The following PDZRN4 variants were observed in gnomAD, a reference collection of about 807,000 sequenced individuals.
PDZRN4 encodes the protein PDZ domain containing ring finger 4.
Under a neutral mutation model 99.0 loss-of-function variants are expected in PDZRN4, and 70 were observed. The observed-to-expected ratio is 0.71, with a 90% CI of 0.58 to 0.86. The LOEUF is 0.86. Ranked by LOEUF, PDZRN4 falls within the 40% of genes least tolerant of loss-of-function variation. The probability of loss-of-function intolerance (pLI) is 0.00; values close to 1 mark genes in which losing one functional copy is unlikely to be tolerated. For synonymous variants in PDZRN4, 551 were observed against 501.6 expected, an observed-to-expected ratio of 1.10 and a Z score of -1.32; for missense variants, 1,474 against 1,331.2, an observed-to-expected ratio of 1.11 and a Z score of -1.67.
At chr12:41,476,497 T>A (rs1953044116) in intron 3 of PDZRN4, among the ~76,000 whole-genome samples, 1 of 152,232 alleles carries the variant, frequency 6.6e-6, no homozygotes, top group Non-Finnish European at 1.5e-5. Flanking sequence ...TTTTGTTTGA[T>A]ACTGCTTCAC....
At chr12:41,328,278 G>A (rs1951722334) in intron 3 of PDZRN4, among the ~76,000 whole-genome samples, 1 of 152,176 alleles carries the variant, frequency 6.6e-6, no homozygotes, top group Non-Finnish European at 1.5e-5. Flanking sequence ...ATAAAAATGT[G>A]TCCAGAAAAA....
At chr12:41,217,680 C>T (rs1019923508) in intron 3 of PDZRN4, among the ~76,000 whole-genome samples, 11 of 152,010 alleles carry the variant, frequency 7.2e-5, no homozygotes, top group Non-Finnish European at 2.9e-5. Context: ...ATCATTTTCT[C>T]TTCTCTACCA....
intron 3 of PDZRN4, among the ~76,000 whole-genome samples, chr12:41,218,866 GTTAT>G (rs1950937198): frequency 6.6e-6 from 1 of 151,844 alleles, no homozygotes; most frequent in African/African-American, 2.4e-5. Flanking sequence ...TCCTTAAGCA[GTTAT>G]TTATTTTTAC....
chr12:41,518,281 AATCT>A (rs1207354122), intron 5 of PDZRN4, among the ~76,000 whole-genome samples: 17 of 152,240 alleles, frequency 1.1e-4, no homozygotes, highest in African/African-American at 4.1e-4. Context: ...CAGTAAATCC[AATCT>A]ATGCATTTCA....
intron 3 of PDZRN4, among the ~76,000 whole-genome samples, chr12:41,219,423 T>C (rs1950939852): frequency 6.6e-6 from 1 of 152,128 alleles, no homozygotes; most frequent in Non-Finnish European, 1.5e-5. Flanking sequence ...TATTTTATTA[T>C]TAAAAATGGA....
intron 3 of PDZRN4, among the ~76,000 whole-genome samples, chr12:41,474,071 A>G (rs1329656740): frequency 6.6e-6 from 1 of 152,238 alleles, no homozygotes; most frequent in Non-Finnish European, 1.5e-5. Context: ...TGTGAAGAGG[A>G]TAAGAAATTG....
At chr12:41,459,615 C>T (rs1264936127) in intron 3 of PDZRN4, among the ~76,000 whole-genome samples, 2 of 152,314 alleles carry the variant, frequency 1.3e-5, no homozygotes, top group South Asian at 2.1e-4. Flanking sequence ...TAAATAAATG[C>T]AATGCTTTTA....
chr12:41,329,733 A>G (rs12302590), intron 3 of PDZRN4, among the ~76,000 whole-genome samples: 2,436 of 152,242 alleles, frequency 0.016, 60 homozygotes, highest in African/African-American at 0.056. Context: ...TAGGCTTTTT[A>G]ATGAGTGTTG....
Position 41,508,429 on chromosome 12 carries a change from A to G in PDZRN4, c.1101-1382A>G, listed in dbSNP as rs79673975. 4.7e-3 allele frequency among the ~76,000 whole-genome samples: 717 copies of G among 152,266 alleles called. 10 individuals are homozygous for G. Among genetic ancestry groups the G allele is most frequent in the African/African-American group, 0.016 (684 of 41,566 alleles). On this transcript the variant is annotated intron_variant, in intron 4 of 9. Coordinates refer to ENST00000402685, the MANE Select transcript of PDZRN4 (RefSeq NM_001164595.2). ...AATTCCCACTTTGCTGCTTTCCCCA[A>G]TTAATAGGGCAGAATTGGATTTTGT...
chr12:41,354,389 G>A (rs10880059), intron 3 of PDZRN4, among the ~76,000 whole-genome samples: 59,003 of 151,622 alleles, frequency 0.39, 11,587 homozygotes, highest in African/African-American at 0.42. Context: ...GCAAGTGTCC[G>A]TTGAGAACAA....
intron 3 of PDZRN4, among the ~76,000 whole-genome samples, chr12:41,356,489 T>A (rs7136410): frequency 0.037 from 5,701 of 152,064 alleles, 361 homozygotes; most frequent in African/African-American, 0.13. Flanking sequence ...ATAGTCTACA[T>A]TGACAAGAAG....
chr12:41,245,387 T>A (rs1951127627), intron 3 of PDZRN4, among the ~76,000 whole-genome samples: 2 of 152,144 alleles, frequency 1.3e-5, no homozygotes, highest in Admixed American at 1.3e-4. Flanking sequence ...CCTTGGGGAT[T>A]CAAATGTTAA....
chr12:41,312,805 G>T (rs1403828124), intron 3 of PDZRN4, among the ~76,000 whole-genome samples: 2 of 151,902 alleles, frequency 1.3e-5, no homozygotes, highest in Admixed American at 6.6e-5. Context: ...TTTGAGTGTG[G>T]ACACAAAGCC....
At chr12:41,483,931 C>T (rs184513928) in intron 3 of PDZRN4, among the ~76,000 whole-genome samples, 67 of 152,188 alleles carry the variant, frequency 4.4e-4, no homozygotes, top group African/African-American at 1.4e-3. Flanking sequence ...TTCTTTTAAT[C>T]TAAATTTGTT....
At chr12:41,308,104 A>C (rs546345651) in intron 3 of PDZRN4, among the ~76,000 whole-genome samples, 1 of 152,310 alleles carries the variant, frequency 6.6e-6, no homozygotes, top group African/African-American at 2.4e-5. Context: ...CTAACATCAA[A>C]AAATAATTTT....
chr12:41,415,300 C>T (rs1026059839), intron 3 of PDZRN4, among the ~76,000 whole-genome samples: 1 of 148,870 alleles, frequency 6.7e-6, no homozygotes, highest in African/African-American at 2.5e-5. Flanking sequence ...GAGGAAAAGT[C>T]AATGGAAATT....
chr12:41,367,347 T>G (rs1020775119), intron 3 of PDZRN4, among the ~76,000 whole-genome samples: 2 of 151,882 alleles, frequency 1.3e-5, no homozygotes, highest in African/African-American at 4.8e-5. Context: ...TCGTCTCTAC[T>G]AAAAATACAA....
intron 3 of PDZRN4, among the ~76,000 whole-genome samples, chr12:41,406,858 CAAAAAA>C (rs758320141): frequency 1.3e-4 from 6 of 46,926 alleles, no homozygotes; most frequent in African/African-American, 2.0e-4. Context: ...AACTCCGTCT[CAAAAAA>C]AAAAAAAAAA....
At chr12:41,207,036 ACTT>A (rs1425604011) in intron 3 of PDZRN4, among the ~76,000 whole-genome samples, 2 of 151,978 alleles carry the variant, frequency 1.3e-5, no homozygotes, top group African/African-American at 2.4e-5. Context: ...AAATCCTTTC[ACTT>A]CTTCTGAATG....
Sources: gnomAD v4.1 joint callset for allele counts (sites outside exome capture counted in the v4.1 genomes callset) on GRCh38, gnomAD v4.1.1 for gene constraint, MANE v1.5 for transcripts, NCBI Gene and HGNC (gene_info 2026-07-23, HGNC 2026-07-21) for gene names.